Variants in PITPNC1 observed in about 807,000 individuals in gnomAD.
The protein encoded by PITPNC1 is phosphatidylinositol transfer protein cytoplasmic 1, also known as cytoplasmic phosphatidylinositol transfer protein 1.
Under a neutral mutation model 44.7 loss-of-function variants are expected in PITPNC1, and 18 were observed. The ratio of observed to expected loss-of-function variants is 0.40; its 90% CI spans 0.28 to 0.60. The LOEUF is 0.60. Among genes scored for constraint, PITPNC1 ranks in the 20% least tolerant of loss-of-function variants. PITPNC1 has a pLI of 0.39. For synonymous variants in PITPNC1, 141 were observed against 149.6 expected (o/e 0.94, Z 0.42); for missense variants, 290 against 418.4 (o/e 0.69, Z 2.68).
At chr17:67,523,151 C>G (rs1336750796) in intron 1 of PITPNC1, among the ~76,000 whole-genome samples, 2 of 152,194 alleles carry the variant, frequency 1.3e-5, no homozygotes, top group Non-Finnish European at 2.9e-5. Flanking sequence ...CTTTCTGTCT[C>G]TACGAACTTG....
At chr17:67,615,839 G>A (rs754245507) in intron 5 of PITPNC1, among the ~76,000 whole-genome samples, 6 of 152,144 alleles carry the variant, frequency 3.9e-5, no homozygotes, top group Non-Finnish European at 5.9e-5. Flanking sequence ...CGGGGAAACC[G>A]TTCTGCGTCG....
At chr17:67,386,383 G>T (rs1275691070) in intron 1 of PITPNC1, among the ~76,000 whole-genome samples, 1 of 152,092 alleles carries the variant, frequency 6.6e-6, no homozygotes, top group Admixed American at 6.5e-5. Flanking sequence ...AGTAGAGTCG[G>T]GGTTTCACCA....
At chr17:67,574,757 G>A (rs1320056437) in intron 4 of PITPNC1, among the ~76,000 whole-genome samples, 3 of 151,948 alleles carry the variant, frequency 2.0e-5, no homozygotes, top group African/African-American at 7.3e-5. Context: ...CACACCCCAG[G>A]ACTCTGAGAA....
intron 7 of PITPNC1, among the ~76,000 whole-genome samples, chr17:67,672,692 C>T (rs2042535699): frequency 6.6e-6 from 1 of 152,118 alleles, no homozygotes; most frequent in Admixed American, 6.5e-5. Flanking sequence ...ACAGATGACT[C>T]AGGCTAGTTT....
intron 1 of PITPNC1, among the ~76,000 whole-genome samples, chr17:67,382,450 G>T (rs910128822): frequency 6.6e-6 from 1 of 151,762 alleles, no homozygotes; most frequent in Non-Finnish European, 1.5e-5. Context: ...CATTTCATTG[G>T]AATAGTCCCT....
intron 1 of PITPNC1, among the ~76,000 whole-genome samples, chr17:67,441,590 T>G (rs1366417346): frequency 6.6e-6 from 1 of 152,182 alleles, no homozygotes; most frequent in African/African-American, 2.4e-5. Flanking sequence ...AACACTTTTG[T>G]CAGCCTTTCT....
chr17:67,421,451 T>C (rs910077394), intron 1 of PITPNC1, among the ~76,000 whole-genome samples: 8 of 151,940 alleles, frequency 5.3e-5, no homozygotes, highest in African/African-American at 1.9e-4. Flanking sequence ...CCTGGCTAAT[T>C]TGTGTATTTT....
At chr17:67,480,260 G>A (rs1236463831) in intron 1 of PITPNC1, among the ~76,000 whole-genome samples, 1 of 152,300 alleles carries the variant, frequency 6.6e-6, no homozygotes, top group South Asian at 2.1e-4. Context: ...ATTAATGAAT[G>A]TAGGCTTGTA....
chr17:67,491,839 G>A (rs1048256077), intron 1 of PITPNC1, among the ~76,000 whole-genome samples: 1 of 151,888 alleles, frequency 6.6e-6, no homozygotes, highest in Non-Finnish European at 1.5e-5. Flanking sequence ...TCAAAACAAC[G>A]ACAAAACCAA....
chr17:67,382,781 C>T (rs1038941347), intron 1 of PITPNC1, among the ~76,000 whole-genome samples: 1 of 151,780 alleles, frequency 6.6e-6, no homozygotes, highest in African/African-American at 2.4e-5. Context: ...CCCACCATCA[C>T]GCCAGGCTAA....
intron 1 of PITPNC1, among the ~76,000 whole-genome samples, chr17:67,399,078 G>A (rs1416917428): frequency 2.0e-5 from 3 of 147,246 alleles, no homozygotes; most frequent in African/African-American, 5.1e-5. Context: ...GCAGTGGTGC[G>A]ATCTCGGCTC....
At chr17:67,532,467 T>C (rs754344043) in intron 1 of PITPNC1, among the ~76,000 whole-genome samples, 18 of 152,168 alleles carry the variant, frequency 1.2e-4, no homozygotes, top group Non-Finnish European at 2.4e-4. Flanking sequence ...AGCAGGACTT[T>C]AGCTCCATTT....
At chr17:67,395,810 C>T (rs138133175) in intron 1 of PITPNC1, among the ~76,000 whole-genome samples, 123 of 152,220 alleles carry the variant, frequency 8.1e-4, no homozygotes, top group African/African-American at 2.8e-3. Context: ...ACCCAAGTGC[C>T]AGGAGTTTGG....
At chr17:67,645,195 G>T (rs1285715947) in intron 6 of PITPNC1, among the ~76,000 whole-genome samples, 2 of 152,036 alleles carry the variant, frequency 1.3e-5, no homozygotes, top group African/African-American at 2.4e-5. Flanking sequence ...ACAAAAATCA[G>T]CCAGGCATGG....
At chr17:67,589,065 T>C (rs2041357386) in intron 5 of PITPNC1, among the ~76,000 whole-genome samples, 1 of 152,230 alleles carries the variant, frequency 6.6e-6, no homozygotes, top group African/African-American at 2.4e-5. Flanking sequence ...AGGATTATTA[T>C]CTGCTTTGGT....
intron 1 of PITPNC1, among the ~76,000 whole-genome samples, chr17:67,459,279 A>G (rs1042460127): frequency 6.6e-6 from 1 of 151,818 alleles, no homozygotes. Context: ...CACCACATCC[A>G]GCTAATTTTG....
At position 67,490,342 on chromosome 17, in the gene PITPNC1, GGTTTTTT is replaced by G. The variant is rs536577431; in HGVS notation, c.49-42447_49-42441del. Among the ~76,000 whole-genome samples the G allele has an allele frequency of 4.8e-4, 73 of 151,792 alleles. No homozygotes were observed. The East Asian group carries it at 0.012, about 26-fold the overall frequency. On this transcript the variant is annotated intron_variant, in intron 1 of 8. Transcript: ENST00000581322. ...GGCAGGATCTCAGTTTGTTGTTGTT[GGTTTTTT>G]GTTTTTTGTTTTGTTTTTTTTTAAA...
intron 1 of PITPNC1, among the ~76,000 whole-genome samples, chr17:67,495,288 T>G (rs1008386222): frequency 4.6e-5 from 7 of 151,702 alleles, no homozygotes; most frequent in African/African-American, 1.5e-4. Flanking sequence ...TAGATCTCCT[T>G]ACCTCATGAT....
intron 1 of PITPNC1, among the ~76,000 whole-genome samples, chr17:67,422,778 A>G (rs2038689952): frequency 6.6e-6 from 1 of 152,110 alleles, no homozygotes; most frequent in African/African-American, 2.4e-5. Flanking sequence ...ACCTCACGTG[A>G]TCTGCCCACC....
Sources: allele counts gnomAD v4.1 joint callset (sites outside exome capture counted in the v4.1 genomes callset), GRCh38; gene constraint gnomAD v4.1.1; transcripts MANE v1.5; gene names NCBI Gene and HGNC (gene_info 2026-07-23, HGNC 2026-07-21).